Variants in PDGFRL observed in about 807,000 individuals in gnomAD.
The protein encoded by PDGFRL is platelet derived growth factor receptor like.
A neutral mutation model predicts 37.2 loss-of-function variants in PDGFRL; 46 were observed. That is an observed-to-expected ratio of 1.24 (90% CI 0.98 to 1.58). PDGFRL has a LOEUF of 1.58. PDGFRL is among the 40% of genes most tolerant of loss of function. The pLI is 0.00. For synonymous variants in PDGFRL, 251 were observed against 184.3 expected (o/e 1.36, Z -2.93); for missense variants, 692 against 467.6 (o/e 1.48, Z -4.43).
chr8:17,601,569 G>C (rs1347859638), intron 2 of PDGFRL, among the ~76,000 whole-genome samples: 1 of 151,762 alleles, frequency 6.6e-6, no homozygotes, highest in Non-Finnish European at 1.5e-5. Context: ...CATTATCCAG[G>C]TAATAAGCTT....
In PDGFRL at chr8:17,610,823, T is replaced by G. The variant is rs565580137; in HGVS notation, c.354-10228T>G. On this transcript the variant is annotated intron_variant, in intron 2 of 5. Transcript: ENST00000251630. ...GTACTCAGGAGGCTGAGGCGGGAGA[T>G]TCCCTTGAACCCAGGAGGCAGAGGT... Among the ~76,000 whole-genome samples the G allele has an allele frequency of 3.0e-4, 46 of 152,080 alleles. 1 individual carries two copies. In the South Asian group the frequency reaches 8.3e-3, roughly 28 times the overall value.
intron 2 of PDGFRL, among the ~76,000 whole-genome samples, chr8:17,597,260 A>G (rs1804073736): frequency 6.6e-6 from 1 of 152,166 alleles, no homozygotes; most frequent in African/African-American, 2.4e-5. Flanking sequence ...GCCTCAAGTG[A>G]TCCGTCCACC....
chr8:17,582,848 C>T (rs982724119), intron 1 of PDGFRL, among the ~76,000 whole-genome samples: 3 of 152,116 alleles, frequency 2.0e-5, no homozygotes, highest in African/African-American at 7.2e-5. Context: ...CCTCCCATCC[C>T]AGGCCCAGAG....
intron 2 of PDGFRL, among the ~76,000 whole-genome samples, chr8:17,611,608 T>G (rs2129720214): frequency 6.6e-6 from 1 of 151,982 alleles, no homozygotes; most frequent in Admixed American, 6.6e-5. Context: ...TGTGTCTGGG[T>G]TTGGTGAGGA....
In PDGFRL at chr8:17,621,130, G is replaced by C. The variant is rs889044291; in HGVS notation, c.433G>C (p.Val145Leu). The C allele has an allele frequency of 1.2e-6, 2 of 1,610,388 alleles. No homozygotes were observed. The highest frequency in any genetic ancestry group is 2.2e-5 in the South Asian group (2 of 90,846). Residue 145 changes from valine to leucine, a missense_variant, in exon 3 of 6, where the codon GTG becomes CTG. By Grantham distance (32) the Val-to-Leu change is conservative. Transcript: ENST00000251630. ...SADTGEFSCW[V>L]QLCSGYICRK... is the part of the protein sequence containing the mutation. ...AGACACAGGTGAATTCAGCTGCTGG[G>C]TGCAGCTCTGCAGCGGCTACATCTG...
chr8:17,603,424 T>C (rs1010524975), intron 2 of PDGFRL, among the ~76,000 whole-genome samples: 2 of 152,190 alleles, frequency 1.3e-5, no homozygotes, highest in Non-Finnish European at 2.9e-5. Context: ...GTTGATCCCT[T>C]CGAGGCTAAT....
intron 2 of PDGFRL, among the ~76,000 whole-genome samples, chr8:17,602,266 C>G (rs894472692): frequency 6.6e-6 from 1 of 152,108 alleles, no homozygotes; most frequent in African/African-American, 2.4e-5. Context: ...CACTTTTTGA[C>G]AGATAAGGGA....
intron 2 of PDGFRL, among the ~76,000 whole-genome samples, chr8:17,609,472 C>T (rs1177103038): frequency 6.7e-6 from 1 of 148,782 alleles, no homozygotes; most frequent in Non-Finnish European, 1.5e-5. Context: ...GAGACTCTGT[C>T]TGGAAAAAAA....
intron 2 of PDGFRL, among the ~76,000 whole-genome samples, chr8:17,615,080 T>C (rs1048307995): frequency 1.3e-5 from 2 of 152,242 alleles, no homozygotes; most frequent in Admixed American, 6.5e-5. Context: ...GTTATTGTTA[T>C]AAGTCTCATC....
intron 2 of PDGFRL, among the ~76,000 whole-genome samples, 169 bp from the exon 3 acceptor site, chr8:17,620,882 C>CT (rs1355385535): frequency 2.2e-5 from 3 of 137,372 alleles, no homozygotes; most frequent in African/African-American, 8.3e-5. Context: ...TTTTATTATA[C>CT]TTTAAGTTCT....
Position 17,589,598 on chromosome 8 carries a change from A to C in PDGFRL, c.186A>C (p.Pro62=). ...MKDRDSANSA[P]KTQSIMMQVL... ...ACAGGGACTCAGCCAATTCAGCACC[A>C]AAGACGCAGTCTATCATGATGCAAG... is the stretch of plus-strand genomic sequence containing the variant. Residue 62 remains proline, a synonymous_variant, in exon 2 of 6, where the codon CCA becomes CCC. Transcript: ENST00000251630. The C allele has an allele frequency of 1.2e-6, 2 of 1,614,054 alleles. No homozygotes were observed. Among genetic ancestry groups the C allele is most frequent in the Non-Finnish European group, 1.7e-6 (2 of 1,179,940 alleles).
rs376834979 is a variant in PDGFRL, at chr8:17,621,132, G to A, written c.435G>A (p.Val145=). 2 of 1,611,648 alleles carry A rather than the reference G, an allele frequency of 1.2e-6. No individual in the cohort carries two copies. The highest frequency in any genetic ancestry group is 2.2e-5 in the East Asian group (1 of 44,816). ...SADTGEFSCW[V]QLCSGYICRK... is the part of the protein sequence containing the mutation. ...ACACAGGTGAATTCAGCTGCTGGGT[G>A]CAGCTCTGCAGCGGCTACATCTGCA... The change falls in exon 3 of 6, where the codon GTG becomes GTA. Residue 145 remains valine (V), a synonymous_variant. Coordinates refer to ENST00000251630, the MANE Select transcript of PDGFRL (RefSeq NM_001372073.1).
chr8:17,643,123 G>T lies in PDGFRL; in HGVS notation c.*322G>T. On this transcript the variant is annotated 3_prime_UTR_variant, in exon 6 of 6. Transcript: ENST00000251630. ...ACGTTTTTGTAAAAAATAAAAAGTG[G>T]GATAAGTGTTTTTTAAGTTAAGTTG... 1 of 243,026 alleles carries T rather than the reference G, an allele frequency of 4.1e-6. No homozygotes were observed. Among genetic ancestry groups the T allele is most frequent in the South Asian group, 9.1e-5 (1 of 11,012 alleles). The allele number at this position is 243,026 out of a possible 1,614,324, so 15.1% of individuals were successfully genotyped here.
intron 3 of PDGFRL, among the ~76,000 whole-genome samples, chr8:17,625,736 C>A (rs1804720868): frequency 6.6e-6 from 1 of 152,180 alleles, no homozygotes; most frequent in Non-Finnish European, 1.5e-5. Context: ...TGCCTGTAAT[C>A]TCAGCACTTT....
intron 1 of PDGFRL, among the ~76,000 whole-genome samples, chr8:17,580,852 A>G (rs147556488): frequency 1.6e-3 from 239 of 151,804 alleles, no homozygotes; most frequent in African/African-American, 5.5e-3. Flanking sequence ...GTGGTCAGCA[A>G]CCCCTTGGCA....
chr8:17,638,586 C>T (rs1805020537), intron 5 of PDGFRL, among the ~76,000 whole-genome samples: 1 of 151,182 alleles, frequency 6.6e-6, no homozygotes, highest in South Asian at 2.1e-4. Flanking sequence ...AGTTTAAATC[C>T]ATTGTTTCTT....
At chr8:17,616,759 C>A (rs991225980) in intron 2 of PDGFRL, among the ~76,000 whole-genome samples, 1 of 152,142 alleles carries the variant, frequency 6.6e-6, no homozygotes, top group African/African-American at 2.4e-5. Context: ...CTCTAGACAT[C>A]ATTGCATCCC....
Position 17,577,323 on chromosome 8 carries a change from C to T in PDGFRL, c.55+16C>T, listed in dbSNP as rs752897109. 2 of 1,606,912 alleles carry T rather than the reference C, an allele frequency of 1.2e-6. No individual in the cohort carries two copies. Among genetic ancestry groups the T allele is most frequent in the South Asian group, 2.2e-5 (2 of 90,146 alleles). Reference sequence around the variant, plus strand: ...CTGGAGGATGGTGAGTGACTCTGGGCGCGGGGCCACCTAGCTTGTGCCCTG... The same window carrying T: ...CTGGAGGATGGTGAGTGACTCTGGGTGCGGGGCCACCTAGCTTGTGCCCTG... On this transcript the variant is annotated intron_variant, in intron 1 of 5. Transcript: ENST00000251630.
At chr8:17,578,327 G>C (rs559704310) in intron 1 of PDGFRL, among the ~76,000 whole-genome samples, 1 of 152,280 alleles carries the variant, frequency 6.6e-6, no homozygotes, top group Admixed American at 6.5e-5. Flanking sequence ...ATCCTGACCA[G>C]TTCCTTTCTT....
Sources: gnomAD v4.1 joint callset for allele counts (sites outside exome capture counted in the v4.1 genomes callset) on GRCh38, gnomAD v4.1.1 for gene constraint, MANE v1.5 for transcripts, NCBI Gene and HGNC (gene_info 2026-07-23, HGNC 2026-07-21) for gene names.